GABRB1: variants seen among roughly 807,000 people sequenced by gnomAD.
The protein encoded by GABRB1 is gamma-aminobutyric acid receptor subunit beta-1.
A neutral mutation model predicts 51.6 loss-of-function variants in GABRB1; 17 were observed. The observed-to-expected ratio is 0.33, with a 90% CI of 0.23 to 0.49. The LOEUF (loss-of-function observed/expected upper bound fraction) is 0.49, where lower values mean the gene tolerates loss of function less well. Among genes scored for constraint, GABRB1 ranks in the 20% least tolerant of loss-of-function variants. GABRB1 has a pLI of 0.99. For missense variants in GABRB1, 410 were observed against 600.6 expected, an observed-to-expected ratio of 0.68 and a Z score of 3.32; for synonymous variants, 247 against 218.9, an observed-to-expected ratio of 1.13 and a Z score of -1.14.
chr4:47,302,517 A>T (rs1724298578), intron 4 of GABRB1, among the ~76,000 whole-genome samples: 1 of 152,048 alleles, frequency 6.6e-6, no homozygotes, highest in Non-Finnish European at 1.5e-5. Context: ...TAAAATATAC[A>T]AAATTCAAGA....
chr4:47,273,864 TACACACACACACACACACAC>T (rs5858061), intron 4 of GABRB1, among the ~76,000 whole-genome samples: 1 of 122,322 alleles, frequency 8.2e-6, no homozygotes, highest in Non-Finnish European at 1.9e-5. Context: ...CATATATACA[TACACACACACACACACACAC>T]ACACACACAC....
At chr4:47,154,915 C>A (rs1381964124) in intron 3 of GABRB1, among the ~76,000 whole-genome samples, 1 of 152,094 alleles carries the variant, frequency 6.6e-6, no homozygotes, top group Non-Finnish European at 1.5e-5. Context: ...CTCATAATAG[C>A]AGTGCAGCCC....
rs534015741 is a variant in GABRB1 at position 47,338,700 on chromosome 4, C to T, written c.544+18491C>T. Among the ~76,000 whole-genome samples, 8 of 152,234 alleles carry T rather than the reference C, an allele frequency of 5.3e-5. No homozygotes were observed. In the East Asian group the frequency reaches 9.7e-4, roughly 18 times the overall value. The stretch of plus-strand genomic sequence containing the variant: ...TTTCAGCATTCTTTTGTGTGTTCTA[C>T]GAAGCACCATGCAGATGATTGCTCA... On this transcript the variant is annotated intron_variant, in intron 5 of 8. Coordinates refer to ENST00000295454, the MANE Select transcript of GABRB1 (RefSeq NM_000812.4).
At chr4:47,258,597 T>C (rs1722306910) in intron 4 of GABRB1, among the ~76,000 whole-genome samples, 1 of 152,160 alleles carries the variant, frequency 6.6e-6, no homozygotes, top group South Asian at 2.1e-4. Context: ...ACCACAAATA[T>C]ATGCAAAAGA....
chr4:47,394,878 AT>A (rs528640401), intron 5 of GABRB1, among the ~76,000 whole-genome samples: 2 of 151,960 alleles, frequency 1.3e-5, no homozygotes, highest in Non-Finnish European at 2.9e-5. Flanking sequence ...TAGAAAAGCA[AT>A]TTTTTTGTCT....
At chr4:47,178,831 T>A (rs78062689) in intron 4 of GABRB1, among the ~76,000 whole-genome samples, 44 of 152,230 alleles carry the variant, frequency 2.9e-4, no homozygotes, top group African/African-American at 1.0e-3. Flanking sequence ...GTAGCATTTA[T>A]GGTTGAATGT....
chr4:47,389,992 G>C (rs764766855), intron 5 of GABRB1, among the ~76,000 whole-genome samples: 35 of 152,206 alleles, frequency 2.3e-4, no homozygotes, highest in Non-Finnish European at 1.0e-4. Flanking sequence ...ATGTAAACAG[G>C]AAGGAAACAT....
chr4:47,368,303 A>G (rs765016523), intron 5 of GABRB1, among the ~76,000 whole-genome samples: 2 of 151,596 alleles, frequency 1.3e-5, no homozygotes, highest in Non-Finnish European at 2.9e-5. Context: ...GGTATTATCT[A>G]CTCCCCAACA....
At chr4:47,390,953 G>A (rs1332281454) in intron 5 of GABRB1, among the ~76,000 whole-genome samples, 5 of 151,998 alleles carry the variant, frequency 3.3e-5, no homozygotes, top group East Asian at 1.9e-4. Flanking sequence ...CGAGGGGGAC[G>A]GGTCATGAGG....
intron 4 of GABRB1, among the ~76,000 whole-genome samples, chr4:47,299,896 A>G (rs1724180194): frequency 6.6e-6 from 1 of 152,108 alleles, no homozygotes; most frequent in South Asian, 2.1e-4. Flanking sequence ...TACACCACGG[A>G]ATACTATGCA....
chr4:47,217,798 A>T (rs1352250876), intron 4 of GABRB1, among the ~76,000 whole-genome samples: 1 of 151,772 alleles, frequency 6.6e-6, no homozygotes, highest in Non-Finnish European at 1.5e-5. Context: ...AGTATTAAGG[A>T]TATCCAACAC....
intron 5 of GABRB1, among the ~76,000 whole-genome samples, chr4:47,345,157 T>C (rs1726044954): frequency 6.6e-6 from 1 of 152,246 alleles, no homozygotes; most frequent in Non-Finnish European, 1.5e-5. Context: ...CTTGAAGACA[T>C]AGTTTTTAGA....
chr4:47,336,697 T>C (rs1725709769), intron 5 of GABRB1, among the ~76,000 whole-genome samples: 1 of 152,182 alleles, frequency 6.6e-6, no homozygotes, highest in Non-Finnish European at 1.5e-5. Context: ...TAGTGCAAGT[T>C]GGATGACAAC....
chr4:46,995,709 T>C (rs1222205908), intron 1 of GABRB1, among the ~76,000 whole-genome samples: 1 of 152,172 alleles, frequency 6.6e-6, no homozygotes, highest in East Asian at 1.9e-4. Flanking sequence ...TTGTATTTTC[T>C]AAACCACTTT....
intron 1 of GABRB1, among the ~76,000 whole-genome samples, chr4:47,011,122 T>C (rs570316259): frequency 5.3e-5 from 8 of 152,098 alleles, no homozygotes; most frequent in Non-Finnish European, 1.0e-4. Context: ...GTAGATGAAA[T>C]TCAAAGGTCA....
intron 4 of GABRB1, among the ~76,000 whole-genome samples, chr4:47,266,505 A>G (rs891362849): frequency 6.6e-6 from 1 of 152,100 alleles, no homozygotes; most frequent in African/African-American, 2.4e-5. Flanking sequence ...ATTAATTACA[A>G]TTTAGTTTCT....
At chr4:47,057,373 T>G (rs1354152377) in intron 3 of GABRB1, among the ~76,000 whole-genome samples, 1 of 152,236 alleles carries the variant, frequency 6.6e-6, no homozygotes, top group African/African-American at 2.4e-5. Flanking sequence ...TTAATATTAT[T>G]ATTTAAAAAG....
At chr4:47,250,226 A>T (rs1460363259) in intron 4 of GABRB1, among the ~76,000 whole-genome samples, 1 of 152,152 alleles carries the variant, frequency 6.6e-6, no homozygotes, top group Non-Finnish European at 1.5e-5. Flanking sequence ...GTTTTGCTGG[A>T]TACAAAATTT....
At chr4:47,038,121 T>C (rs1460860599) in intron 3 of GABRB1, among the ~76,000 whole-genome samples, 1 of 152,198 alleles carries the variant, frequency 6.6e-6, no homozygotes, top group Non-Finnish European at 1.5e-5. Flanking sequence ...AAAAAAATCT[T>C]TGTCTCCATC....
Sources: allele counts gnomAD v4.1 joint callset (sites outside exome capture counted in the v4.1 genomes callset), GRCh38; gene constraint gnomAD v4.1.1; transcripts MANE v1.5; gene names NCBI Gene and HGNC (gene_info 2026-07-23, HGNC 2026-07-21).